The following CSMD1 variants were observed in gnomAD, a reference collection of about 807,000 sequenced individuals.
The protein encoded by CSMD1 is CUB and sushi domain-containing protein 1.
CSMD1 carries 213 observed loss-of-function variants against 417.5 expected under a neutral mutation model. That is an observed-to-expected ratio of 0.51 (90% CI 0.46 to 0.57). The LOEUF (loss-of-function observed/expected upper bound fraction) is 0.57. Ranked by LOEUF, CSMD1 falls within the 20% of genes least tolerant of loss-of-function variation. The pLI is 0.00. For missense variants in CSMD1, 6,923 were observed against 4,529.7 expected, an observed-to-expected ratio of 1.53 and a Z score of -15.17; for synonymous variants, 2,862 against 1,736.8, an observed-to-expected ratio of 1.65 and a Z score of -16.11.
intron 5 of CSMD1, among the ~76,000 whole-genome samples, chr8:3,885,779 GA>G (rs1227666680): frequency 6.6e-6 from 1 of 152,162 alleles, no homozygotes; most frequent in African/African-American, 2.4e-5. Context: ...GTTTATTTAT[GA>G]CAGAAAGCTG....
chr8:4,972,132 C>T (rs77955068), intron 1 of CSMD1, among the ~76,000 whole-genome samples: 1,930 of 152,142 alleles, frequency 0.013, 16 homozygotes, highest in Non-Finnish European at 0.019. Context: ...TATCGTTATA[C>T]GCTGCCCCTG....
intron 5 of CSMD1, among the ~76,000 whole-genome samples, chr8:3,978,875 A>G (rs1813640866): frequency 6.6e-6 from 1 of 152,210 alleles, no homozygotes; most frequent in African/African-American, 2.4e-5. Flanking sequence ...GTTTAATGAA[A>G]GGAACACAAT....
chr8:4,298,276 A>C, intron 3 of CSMD1, among the ~76,000 whole-genome samples: 1 of 152,322 alleles, frequency 6.6e-6, no homozygotes, highest in Middle Eastern at 3.4e-3. Context: ...AAAGGTAAGA[A>C]GTTACAATAA....
intron 3 of CSMD1, among the ~76,000 whole-genome samples, chr8:4,316,964 C>G (rs1022330120): frequency 6.6e-6 from 1 of 151,856 alleles, no homozygotes; most frequent in South Asian, 2.1e-4. Context: ...CATACGAAAA[C>G]TCAAGAGTAA....
intron 5 of CSMD1, among the ~76,000 whole-genome samples, chr8:3,968,004 T>TAAAAAAAAAAAAAAAA (rs11330461): frequency 1.4e-4 from 14 of 98,890 alleles, no homozygotes; most frequent in African/African-American, 6.1e-4. Context: ...CGTCACTGCT[T>TAAAAAAAAAAAAAAAA]AAAAAAAAAA....
chr8:3,695,848 C>G (rs933004073), intron 7 of CSMD1, among the ~76,000 whole-genome samples: 2 of 152,156 alleles, frequency 1.3e-5, no homozygotes, highest in African/African-American at 4.8e-5. Context: ...TTTCATTTCA[C>G]AGAAATTACC....
chr8:4,274,631 CA>C (rs1796372133), intron 3 of CSMD1, among the ~76,000 whole-genome samples: 1 of 151,932 alleles, frequency 6.6e-6, no homozygotes, highest in Non-Finnish European at 1.5e-5. Context: ...AAATATCGAA[CA>C]AAAATCTATA....
At chr8:3,942,789 G>C (rs1014724912) in intron 5 of CSMD1, among the ~76,000 whole-genome samples, 3 of 152,112 alleles carry the variant, frequency 2.0e-5, no homozygotes, top group African/African-American at 7.2e-5. Flanking sequence ...CAGTTACTGG[G>C]ATAAGAAAAA....
chr8:4,455,115 G>C (rs930782283), intron 2 of CSMD1, among the ~76,000 whole-genome samples: 1 of 152,108 alleles, frequency 6.6e-6, no homozygotes, highest in Non-Finnish European at 1.5e-5. Flanking sequence ...ACGTAATAAA[G>C]GATGACGGAT....
chr8:4,931,886 T>C (rs1807273498), intron 1 of CSMD1, among the ~76,000 whole-genome samples: 1 of 152,222 alleles, frequency 6.6e-6, no homozygotes, highest in South Asian at 2.1e-4. Flanking sequence ...GATTGTTATA[T>C]GGAGATATGT....
intron 8 of CSMD1, among the ~76,000 whole-genome samples, chr8:3,611,849 G>C (rs1380671136): frequency 6.6e-6 from 1 of 151,924 alleles, no homozygotes; most frequent in Non-Finnish European, 1.5e-5. Context: ...ATTAATTTAG[G>C]ACAGAAGTTC....
chr8:4,939,609 C>G (rs1467659984), intron 1 of CSMD1, among the ~76,000 whole-genome samples: 1 of 151,334 alleles, frequency 6.6e-6, no homozygotes, highest in Non-Finnish European at 1.5e-5. Context: ...TCAATGAAGC[C>G]GAGAGTAGAA....
At chr8:3,396,746 T>C (rs1390825406) in intron 16 of CSMD1, among the ~76,000 whole-genome samples, 1 of 152,154 alleles carries the variant, frequency 6.6e-6, no homozygotes, top group Non-Finnish European at 1.5e-5. Context: ...AACTCAATTA[T>C]ATATTTTTAA....
intron 6 of CSMD1, among the ~76,000 whole-genome samples, chr8:3,748,934 A>G (rs1219922200): frequency 1.3e-5 from 2 of 152,238 alleles, no homozygotes; most frequent in Non-Finnish European, 2.9e-5. Flanking sequence ...TTGGAATTTT[A>G]TTACAAACAC....
intron 7 of CSMD1, among the ~76,000 whole-genome samples, chr8:3,653,647 G>A (rs998118950): frequency 3.3e-5 from 5 of 151,980 alleles, no homozygotes; most frequent in African/African-American, 1.2e-4. Flanking sequence ...TTTAGGCCAC[G>A]AAGCCTGATA....
At chr8:3,109,930 C>A (rs886267815) in intron 43 of CSMD1, among the ~76,000 whole-genome samples, 1 of 152,038 alleles carries the variant, frequency 6.6e-6, no homozygotes, top group Non-Finnish European at 1.5e-5. Flanking sequence ...CATACACACA[C>A]AGATGCAGAC....
At chr8:2,998,333 C>CCCTTCTGAATATAA in intron 53 of CSMD1, 149 bp from the exon 54 acceptor site, 1 of 697,248 alleles carries the variant, frequency 1.4e-6, no homozygotes, top group Non-Finnish European at 2.3e-6. Context: ...TATTTATATT[C>CCCTTCTGAATATAA]AGAAGGGAAT....
chr8:4,390,841 A>G (rs947517637), intron 3 of CSMD1, among the ~76,000 whole-genome samples: 2 of 152,082 alleles, frequency 1.3e-5, no homozygotes, highest in African/African-American at 4.8e-5. Flanking sequence ...ATGCCCGGCC[A>G]AAAGTATCCA....
At chr8:3,716,028 G>A (rs1194124310) in intron 6 of CSMD1, among the ~76,000 whole-genome samples, 2 of 152,094 alleles carry the variant, frequency 1.3e-5, no homozygotes, top group Non-Finnish European at 2.9e-5. Context: ...TTTCTCTGTT[G>A]CTAAATATTT....
Sources: gnomAD v4.1 joint callset for allele counts (sites outside exome capture counted in the v4.1 genomes callset) on GRCh38, gnomAD v4.1.1 for gene constraint, MANE v1.5 for transcripts, NCBI Gene and HGNC (gene_info 2026-07-23, HGNC 2026-07-21) for gene names.